Variants in KLKB1 observed in about 807,000 individuals in gnomAD.
KLKB1 encodes the protein kallikrein B1.
KLKB1 carries 58 observed loss-of-function variants against 73.6 expected under a neutral mutation model. That is an observed-to-expected ratio of 0.79 (90% CI 0.64 to 0.98). The LOEUF (loss-of-function observed/expected upper bound fraction) is 0.98, where lower values mean the gene tolerates loss of function less well. Among genes scored for constraint, KLKB1 ranks in the 50% least tolerant of loss-of-function variants. The pLI is 0.00. For missense variants in KLKB1, 737 were observed against 763.8 expected (o/e 0.96, Z 0.41); for synonymous variants, 280 against 258.1 (o/e 1.08, Z -0.81).
rs764115981 is a variant in KLKB1, at chr4:186,251,653, A to G, written c.1031+4A>G. 1.9e-6 allele frequency: 3 copies of G among 1,613,640 alleles called. No individual in the cohort carries two copies. The highest frequency in any genetic ancestry group is 2.5e-6 in the Non-Finnish European group (3 of 1,179,728). The stretch of plus-strand genomic sequence containing the variant: ...CAGAAGACTGTAAGGAAGAGAAGTA[A>G]AGGAAATTTTATTTTTCAAAGACAG... On this transcript the variant is annotated splice_donor_region_variant and intron_variant, in intron 9 of 14. Coordinates refer to ENST00000264690, the MANE Select transcript of KLKB1 (RefSeq NM_000892.5).
intron 14 of KLKB1, 54 bp from the exon 15 acceptor site, chr4:186,257,963 CTTAT>C: frequency 6.7e-7 from 1 of 1,489,258 alleles, no homozygotes; most frequent in Non-Finnish European, 9.4e-7. Flanking sequence ...GAGGCAGTCA[CTTAT>C]TTGAATCCCA....
chr4:186,236,891 T>C lies in KLKB1; in HGVS notation c.439T>C (p.Cys147Arg). 6.2e-7 allele frequency: 1 copy of C among 1,614,072 alleles called. No homozygotes were observed. Among genetic ancestry groups the C allele is most frequent in the East Asian group, 2.2e-5 (1 of 44,864 alleles). Residue 147 changes from cysteine (C) to arginine (R), a missense_variant, in exon 5 of 15, where the codon TGC (cysteine) becomes CGC (arginine). Physicochemically the swap from Cys to Arg is radical, Grantham distance 180 (BLOSUM62 -3). Transcript: ENST00000264690. ...CQKRCTSNIR[C>R]QFFSYATQTF... ...AAAAAGGTGCACCAGTAACATTCGC[T>C]GCCAGTTTTTTTCATATGCCACGCA...
At chr4:186,226,727 A>G (rs1168488222), upstream of KLKB1, among the ~76,000 whole-genome samples, 1 of 152,158 alleles carries the variant, frequency 6.6e-6, no homozygotes, top group East Asian at 1.9e-4. Context: ...TGAGCCCAGC[A>G]TCTGGGTCCA....
upstream of KLKB1, among the ~76,000 whole-genome samples, chr4:186,225,850 G>A (rs575631061): frequency 5.7e-4 from 86 of 152,060 alleles, 1 homozygote; most frequent in African/African-American, 2.0e-3. Context: ...TTTTAAATAA[G>A]TTTCTGCAAC....
In KLKB1 at chr4:186,217,953, C is replaced by T. The variant is rs74866273; in HGVS notation, c.201+8681C>T. 4.7e-3 allele frequency among the ~76,000 whole-genome samples: 715 copies of T among 152,320 alleles called. 2 individuals carry two copies. Among genetic ancestry groups the T allele is most frequent in the Middle Eastern group, 0.017 (5 of 294 alleles). The stretch of plus-strand genomic sequence containing the variant: ...TGTTATCCAGCAGATTTCAGCCAAC[C>T]TTATCTGTAGAGTCAGATAGTAAAT... On this transcript the variant is annotated intron_variant, in intron 2 of 14. Coordinates refer to the KLKB1 transcript ENST00000511608.
At chr4:186,228,806 C>G (rs1320773378) in intron 2 of KLKB1, 1 of 152,302 alleles carries the variant, frequency 6.6e-6, no homozygotes, top group Non-Finnish European at 1.5e-5. Context: ...GATCTCATTT[C>G]TCTATTAATT....
At chr4:186,256,383 C>T (rs753119877) in intron 13 of KLKB1, among the ~76,000 whole-genome samples, 5 of 152,174 alleles carry the variant, frequency 3.3e-5, no homozygotes, top group Admixed American at 1.3e-4. Flanking sequence ...CAAGACCACC[C>T]GCTCCTCAGT....
At chr4:186,218,095 A>G (rs1201988918) in intron 2 of KLKB1, among the ~76,000 whole-genome samples, 1 of 152,196 alleles carries the variant, frequency 6.6e-6, no homozygotes, top group East Asian at 1.9e-4. Flanking sequence ...TTTCAATAAA[A>G]CTTTATTTAC....
chr4:186,234,287 G>A (rs1477585696), intron 4 of KLKB1, among the ~76,000 whole-genome samples: 2 of 152,112 alleles, frequency 1.3e-5, no homozygotes, highest in Non-Finnish European at 2.9e-5. Context: ...TGAGGTTAGC[G>A]CTCAAGTGTA....
rs778767902 is a variant in KLKB1 at position 186,251,976 on chromosome 4, A to G, written c.1145-41A>G. 6 of 1,612,980 alleles carry G rather than the reference A, an allele frequency of 3.7e-6. No homozygotes were observed. The African/African-American group carries it at 5.3e-5, about 14-fold the overall frequency. On this transcript the variant is annotated intron_variant, in intron 10 of 14. Coordinates refer to ENST00000264690, the MANE Select transcript of KLKB1 (RefSeq NM_000892.5). ...CCTTGGTTAGAAGGGACTTTGATTC[A>G]CTTCTAATTCCAACCATTAGCGTCA... is the stretch of plus-strand genomic sequence containing the variant.
Position 186,228,199 on chromosome 4 carries a change from A to G in KLKB1, c.4A>G (p.Ile2Val). The change falls in exon 2 of 15, where the codon ATT becomes GTT. Residue 2 changes from isoleucine (I) to valine (V), a missense_variant. Coordinates refer to ENST00000264690, the MANE Select transcript of KLKB1 (RefSeq NM_000892.5). ...ATGTATTGTTTTCTTTTTTAGAATG[A>G]TTTTATTCAAGCAAGCAACTTATTT... M[I>V]LFKQATYFIS... 6.4e-7 allele frequency: 1 copy of G among 1,553,596 alleles called. No individual in the cohort carries two copies. The highest frequency in any genetic ancestry group is 1.7e-5 in the Admixed American group (1 of 59,842).
intron 6 of KLKB1, among the ~76,000 whole-genome samples, chr4:186,242,864 G>A (rs1328405647): frequency 2.7e-5 from 4 of 150,466 alleles, no homozygotes; most frequent in Non-Finnish European, 5.9e-5. Flanking sequence ...GGGGTATGAA[G>A]GTTTTACTGA....
Position 186,257,129 on chromosome 4 carries a change from A to T in KLKB1, c.1586-97A>T, listed in dbSNP as rs893733534. 3 of 668,650 alleles carry T rather than the reference A, an allele frequency of 4.5e-6. No homozygotes were observed. The African/African-American group carries it at 5.7e-5, about 13-fold the overall frequency. 41.4% of individuals were successfully genotyped at this position (668,650 alleles called of 1,614,324 possible). On this transcript the variant is annotated intron_variant, in intron 13 of 14. Transcript: ENST00000264690. ...TTTAAAACTTATTTCCATATTTATT[A>T]TTTATTGTGGGAATAATAATATTCC...
intron 2 of KLKB1, among the ~76,000 whole-genome samples, chr4:186,219,611 A>G (rs1736989244): frequency 6.6e-6 from 1 of 152,184 alleles, no homozygotes; most frequent in African/African-American, 2.4e-5. Context: ...TGACAATTAC[A>G]GTCCTCATTT....
chr4:186,254,640 G>C lies in KLKB1; in HGVS notation c.1366G>C (p.Asp456His). Reference protein sequence around the residue: ...RIYSGILNLSDITKDTPFSQI... With the variant: ...RIYSGILNLSHITKDTPFSQI... ...CTATAGTGGCATTTTAAATCTGTCAGACATTACAAAAGATACACCTTTCTC... is the reference window on the plus strand; with the variant it reads ...CTATAGTGGCATTTTAAATCTGTCACACATTACAAAAGATACACCTTTCTC... Residue 456 changes from aspartate to histidine, a missense_variant, in exon 12 of 15, where the codon GAC becomes CAC. Transcript: ENST00000264690. The C allele has an allele frequency of 6.2e-7, 1 of 1,613,870 alleles. No individual in the cohort carries two copies. The highest frequency in any genetic ancestry group is 8.5e-7 in the Non-Finnish European group (1 of 1,179,842).
Position 186,251,811 on chromosome 4 carries a change from A to G in KLKB1, c.1094A>G (p.Gln365Arg). 1.2e-6 allele frequency: 2 copies of G among 1,614,052 alleles called. No individual in the cohort carries two copies. The highest frequency in any genetic ancestry group is 4.5e-5 in the East Asian group (2 of 44,890). The change falls in exon 10 of 15, where the codon CAA becomes CGA. Residue 365 changes from glutamine to arginine, a missense_variant. Transcript: ENST00000264690. ...CCAACTAGGATTGCGTATGGGACACAAGGGAGCTCTGGTTACTCTTTGAGA... is the reference window on the plus strand; with the variant it reads ...CCAACTAGGATTGCGTATGGGACACGAGGGAGCTCTGGTTACTCTTTGAGA... ...GSPTRIAYGT[Q>R]GSSGYSLRLC...
chr4:186,258,234 A>G lies in KLKB1; in HGVS notation c.*22A>G, dbSNP rs939853447. ...ATGAGAAGCAGTCCAGAGTCTAGGCAATTTTTACAACCTGAGTTCAAGTCA... is the reference window on the plus strand; with the variant it reads ...ATGAGAAGCAGTCCAGAGTCTAGGCGATTTTTACAACCTGAGTTCAAGTCA... On this transcript the variant is annotated 3_prime_UTR_variant, in exon 15 of 15. Coordinates refer to ENST00000264690, the MANE Select transcript of KLKB1 (RefSeq NM_000892.5). 9.3e-6 allele frequency: 15 copies of G among 1,605,390 alleles called. No homozygotes were observed. In the African/African-American group the frequency reaches 2.0e-4, roughly 21 times the overall value.
At chr4:186,224,361 G>A (rs961199177), upstream of KLKB1, among the ~76,000 whole-genome samples, 4 of 152,226 alleles carry the variant, frequency 2.6e-5, no homozygotes, top group Admixed American at 6.5e-5. Context: ...GAAAGTTGCA[G>A]GCACTCAGTG....
At chr4:186,229,399 T>G (rs1430652279) in intron 2 of KLKB1, among the ~76,000 whole-genome samples, 1 of 152,108 alleles carries the variant, frequency 6.6e-6, no homozygotes, top group Non-Finnish European at 1.5e-5. Flanking sequence ...CAAAAAAGAG[T>G]TATTAACTGT....
Sources: gnomAD v4.1 joint callset for allele counts (sites outside exome capture counted in the v4.1 genomes callset) on GRCh38, gnomAD v4.1.1 for gene constraint, MANE v1.5 for transcripts, NCBI Gene and HGNC (gene_info 2026-07-23, HGNC 2026-07-21) for gene names.